Variants in SIPA1L3 observed in about 807,000 individuals in gnomAD.
The protein encoded by SIPA1L3 is signal induced proliferation associated 1 like 3.
A neutral mutation model predicts 150.1 loss-of-function variants in SIPA1L3; 59 were observed. The observed-to-expected ratio is 0.39, with a 90% CI of 0.32 to 0.49. SIPA1L3 has a LOEUF of 0.49. SIPA1L3 is among the 20% of genes least tolerant of loss of function. The pLI is 0.86. For missense variants in SIPA1L3, 2,211 were observed against 2,489.5 expected, an observed-to-expected ratio of 0.89 and a Z score of 2.38; for synonymous variants, 1,070 against 1,077.6, an observed-to-expected ratio of 0.99 and a Z score of 0.14.
chr19:37,938,824 T>C (rs11668748), intron 1 of SIPA1L3, among the ~76,000 whole-genome samples: 22,808 of 152,050 alleles, frequency 0.15, 1,937 homozygotes, highest in Middle Eastern at 0.28. Context: ...GATTTCATCA[T>C]GTTGGCCAGG....
intron 2 of SIPA1L3, among the ~76,000 whole-genome samples, chr19:38,064,030 A>T (rs2145785753): frequency 6.6e-6 from 1 of 152,282 alleles, no homozygotes; most frequent in Non-Finnish European, 1.5e-5. Context: ...GCATCCCATC[A>T]TCCCCACTCT....
chr19:38,062,531 G>C (rs1599979454), intron 2 of SIPA1L3, among the ~76,000 whole-genome samples: 2 of 152,236 alleles, frequency 1.3e-5, no homozygotes, highest in Admixed American at 1.3e-4. Flanking sequence ...GCTATGTGCA[G>C]CTTAGGGAGC....
At chr19:38,175,978 C>T (rs866247828) in intron 15 of SIPA1L3, among the ~76,000 whole-genome samples, 3 of 152,052 alleles carry the variant, frequency 2.0e-5, no homozygotes, top group Non-Finnish European at 4.4e-5. Context: ...GAGGCCGAGG[C>T]GGGCGGATCA....
intron 1 of SIPA1L3, among the ~76,000 whole-genome samples, chr19:37,991,801 G>A (rs1374411981): frequency 1.3e-5 from 2 of 152,170 alleles, no homozygotes; most frequent in African/African-American, 4.8e-5. Context: ...TGCTAGGACC[G>A]GGGTGGGGTT....
chr19:38,188,942 C>T (rs564520221), intron 16 of SIPA1L3, among the ~76,000 whole-genome samples: 28 of 151,574 alleles, frequency 1.8e-4, no homozygotes, highest in South Asian at 1.3e-3. Flanking sequence ...AAAAGTAAGC[C>T]TCTCTCCCTT....
At chr19:38,127,421 CAAAT>C (rs775371200) in intron 9 of SIPA1L3, among the ~76,000 whole-genome samples, 9 of 152,266 alleles carry the variant, frequency 5.9e-5, no homozygotes, top group South Asian at 2.1e-4. Context: ...TCCTTATTGT[CAAAT>C]AAACACATTG....
At chr19:38,103,870 C>A (rs910078758) in intron 6 of SIPA1L3, among the ~76,000 whole-genome samples, 4 of 142,080 alleles carry the variant, frequency 2.8e-5, no homozygotes, top group Non-Finnish European at 6.0e-5. Context: ...CCACCGCACT[C>A]CAGCCTGGGC....
At chr19:38,110,457 T>A in intron 8 of SIPA1L3, 73 bp downstream of exon 8, 1 of 1,330,712 alleles carries the variant, frequency 7.5e-7, no homozygotes. Context: ...TGGGTCCCAG[T>A]ACAGGGCCCC....
intron 10 of SIPA1L3, among the ~76,000 whole-genome samples, chr19:38,138,105 T>C (rs752080731): frequency 5.3e-5 from 8 of 151,868 alleles, no homozygotes; most frequent in Non-Finnish European, 1.2e-4. Flanking sequence ...CACTCTAGCC[T>C]GGGCAACAGA....
intron 1 of SIPA1L3, among the ~76,000 whole-genome samples, chr19:38,025,137 C>G (rs1968475284): frequency 6.6e-6 from 1 of 152,208 alleles, no homozygotes; most frequent in African/African-American, 2.4e-5. Context: ...CCAGGGCCCA[C>G]TCTGATTGGC....
chr19:38,069,657 TA>T (rs1339817643), intron 2 of SIPA1L3, among the ~76,000 whole-genome samples: 7 of 151,844 alleles, frequency 4.6e-5, no homozygotes, highest in Non-Finnish European at 7.4e-5. Flanking sequence ...GATACCTATA[TA>T]TTTTTTTTTA....
intron 15 of SIPA1L3, among the ~76,000 whole-genome samples, chr19:38,167,492 G>A (rs1311892514): frequency 1.3e-5 from 2 of 152,160 alleles, no homozygotes; most frequent in Non-Finnish European, 2.9e-5. Flanking sequence ...GGCTGAAGGA[G>A]GAAAGAGGAG....
chr19:38,170,094 C>T (rs1972294092), intron 15 of SIPA1L3, among the ~76,000 whole-genome samples: 1 of 151,996 alleles, frequency 6.6e-6, no homozygotes, highest in Non-Finnish European at 1.5e-5. Flanking sequence ...AAGGGGGCCC[C>T]CCTAACCCAG....
intron 1 of SIPA1L3, among the ~76,000 whole-genome samples, chr19:37,953,404 G>A (rs2046781885): frequency 6.6e-6 from 1 of 152,180 alleles, no homozygotes; most frequent in Non-Finnish European, 1.5e-5. Context: ...TTTGGAAAGA[G>A]CTGGATAGAG....
chr19:38,028,354 T>C (rs937151824), intron 1 of SIPA1L3, among the ~76,000 whole-genome samples: 3 of 152,166 alleles, frequency 2.0e-5, no homozygotes, highest in African/African-American at 7.2e-5. Flanking sequence ...GCCAGCTCCA[T>C]GGGCCTCCTG....
At chr19:38,004,303 A>G (rs967032074) in intron 1 of SIPA1L3, among the ~76,000 whole-genome samples, 2 of 152,366 alleles carry the variant, frequency 1.3e-5, no homozygotes, top group East Asian at 1.9e-4. Flanking sequence ...GGGGCGGCCC[A>G]GAGACCTGAA....
At chr19:38,138,143 A>T (rs1174826802) in intron 10 of SIPA1L3, among the ~76,000 whole-genome samples, 3 of 152,112 alleles carry the variant, frequency 2.0e-5, no homozygotes, top group Non-Finnish European at 4.4e-5. Flanking sequence ...ATAAAAAAAA[A>T]AAATAATAAA....
At chr19:37,939,563 C>T (rs1599817691) in intron 1 of SIPA1L3, among the ~76,000 whole-genome samples, 2 of 152,294 alleles carry the variant, frequency 1.3e-5, no homozygotes, top group Admixed American at 1.3e-4. Context: ...CTGCTTCCAC[C>T]TTCTGGCTCC....
intron 8 of SIPA1L3, among the ~76,000 whole-genome samples, chr19:38,113,433 G>A (rs1175791513): frequency 6.6e-6 from 1 of 152,078 alleles, no homozygotes; most frequent in Admixed American, 6.6e-5. Flanking sequence ...TTCAAGATCA[G>A]CCTGGACAAC....
Sources: allele counts gnomAD v4.1 joint callset (sites outside exome capture counted in the v4.1 genomes callset), GRCh38; gene constraint gnomAD v4.1.1; transcripts MANE v1.5; gene names NCBI Gene and HGNC (gene_info 2026-07-23, HGNC 2026-07-21).